SYPL2: variants seen among roughly 807,000 people sequenced by gnomAD.
SYPL2 encodes synaptophysin like 2, also known as synaptophysin-like protein 2.
A neutral mutation model predicts 31.3 loss-of-function variants in SYPL2; 24 were observed. The observed-to-expected ratio is 0.77, with a 90% CI of 0.56 to 1.08. The LOEUF (loss-of-function observed/expected upper bound fraction) is 1.08. Among genes scored for constraint, SYPL2 ranks in the 50% least tolerant of loss-of-function variants. SYPL2 has a pLI of 0.00. For synonymous variants in SYPL2, 144 were observed against 143.1 expected (o/e 1.01, Z -0.05); for missense variants, 342 against 360.1 (o/e 0.95, Z 0.41).
At chr1:109,472,420 T>C (rs1039044828) in intron 2 of SYPL2, among the ~76,000 whole-genome samples, 7 of 151,936 alleles carry the variant, frequency 4.6e-5, no homozygotes, top group Non-Finnish European at 4.4e-5. Context: ...TGTTCACTAC[T>C]AGATAATAGT....
Position 109,477,805 on chromosome 1 carries a change from C to A in SYPL2, c.457-13C>A. ...CTTTCTGAGTGTATTTCCCATCCCT[C>A]TGCTCCTCCCAGGACTTCTGTGTGA... On this transcript the variant is annotated splice_polypyrimidine_tract_variant and intron_variant, in intron 4 of 5. Coordinates refer to ENST00000369872, the MANE Select transcript of SYPL2 (RefSeq NM_001040709.2). 1 of 1,588,824 alleles carries A rather than the reference C, an allele frequency of 6.3e-7. No homozygotes were observed. The highest frequency in any genetic ancestry group is 8.6e-7 in the Non-Finnish European group (1 of 1,165,002).
At chr1:109,470,558 G>C (rs1035755144) in intron 2 of SYPL2, among the ~76,000 whole-genome samples, 2 of 152,216 alleles carry the variant, frequency 1.3e-5, no homozygotes. Flanking sequence ...AGAAAGGCTG[G>C]TTGGCACCAG....
chr1:109,477,077 C>G, intron 4 of SYPL2, 100 bp downstream of exon 4: 1 of 1,419,340 alleles, frequency 7.0e-7, no homozygotes, highest in Non-Finnish European at 9.7e-7. Context: ...GCGGCTTCCA[C>G]CCCCATGGTG....
rs1214916238 is a variant in SYPL2 at position 109,478,685 on chromosome 1, TC to T, written c.648+683del. On this transcript the variant is annotated intron_variant, in intron 5 of 5. Transcript: ENST00000369872. This position sits in a 1 kb window ranked among gnomAD's most constrained non-coding sequence, Gnocchi z 4.0. Reference sequence around the variant, plus strand: ...AACTTGCTGGAACCCTGCTTATGGTTCCCCCCCAAAAAAATTTTATTGTAGA... The same window carrying T: ...AACTTGCTGGAACCCTGCTTATGGTTCCCCCCAAAAAAATTTTATTGTAGA... Among the ~76,000 whole-genome samples, 9 of 151,622 alleles carry T rather than the reference TC, an allele frequency of 5.9e-5. No homozygotes were observed. Among genetic ancestry groups the T allele is most frequent in the Admixed American group, 2.0e-4 (3 of 15,218 alleles).
intron 2 of SYPL2, among the ~76,000 whole-genome samples, chr1:109,470,421 G>T (rs764707089): frequency 5.7e-4 from 87 of 152,348 alleles, no homozygotes; most frequent in Non-Finnish European, 3.4e-4. Context: ...CAGCGAGCAT[G>T]TCAGTGCCAA....
intron 2 of SYPL2, among the ~76,000 whole-genome samples, chr1:109,472,836 G>A (rs1057192275): frequency 6.6e-6 from 1 of 151,806 alleles, no homozygotes; most frequent in African/African-American, 2.4e-5. Context: ...TATGTTGCTA[G>A]TCTCAAATTC....
In SYPL2 at chr1:109,467,051, C is replaced by T. The variant is rs1655665606; in HGVS notation, c.55-8C>T. On this transcript the variant is annotated splice_polypyrimidine_tract_variant and splice_region_variant and intron_variant, in intron 1 of 5. Coordinates refer to ENST00000369872, the MANE Select transcript of SYPL2 (RefSeq NM_001040709.2). ...GCCCTGACCCCCCGGCCGGCTGTGT[C>T]TCCGCAGGTGGACCGCCTACTCGTG... 1.9e-6 allele frequency: 3 copies of T among 1,544,372 alleles called. No homozygotes were observed. The highest frequency in any genetic ancestry group is 2.6e-6 in the Non-Finnish European group (3 of 1,145,880).
intron 2 of SYPL2, among the ~76,000 whole-genome samples, chr1:109,471,010 G>C (rs922106286): frequency 6.6e-6 from 1 of 152,184 alleles, no homozygotes; most frequent in Non-Finnish European, 1.5e-5. Flanking sequence ...TCCAGCACCT[G>C]GCACAAGGTA....
Position 109,468,890 on chromosome 1 carries a change from GA to G in SYPL2, c.129+1758del, listed in dbSNP as rs1214080626. On this transcript the variant is annotated intron_variant, in intron 2 of 5. Coordinates refer to ENST00000369872, the MANE Select transcript of SYPL2 (RefSeq NM_001040709.2). ...TCAGCACTAATGACCTAGGAATTAA[GA>G]TCTGATAGACTTTTATGATCTTCAA... 5.1e-4 allele frequency among the ~76,000 whole-genome samples: 77 copies of G among 149,590 alleles called. 1 individual carries two copies. Among genetic ancestry groups the G allele is most frequent in the African/African-American group, 1.7e-3 (68 of 40,900 alleles).
intron 2 of SYPL2, among the ~76,000 whole-genome samples, chr1:109,469,562 CT>C (rs1361066033): frequency 1.3e-5 from 1 of 78,482 alleles, no homozygotes; most frequent in East Asian, 2.3e-3. Context: ...AAAGAAGTAT[CT>C]TAAAAAAAAT....
rs748424576 is a variant in SYPL2, at chr1:109,477,874, G to T, written c.513G>T (p.Trp171Cys). The T allele has an allele frequency of 1.2e-6, 2 of 1,614,002 alleles. No individual in the cohort carries two copies. The highest frequency in any genetic ancestry group is 4.5e-5 in the East Asian group (2 of 44,870). The change falls in exon 5 of 6, where the codon TGG becomes TGT. Residue 171 changes from tryptophan to cysteine, a missense_variant. Transcript: ENST00000369872. ...TFFWLVAAAA[W>C]GKGLTDVKGA... ...TCTGGCTGGTAGCTGCAGCTGCCTG[G>T]GGCAAGGGCCTGACCGATGTCAAGG... is the stretch of plus-strand genomic sequence containing the variant.
At chr1:109,470,662 CAG>C (rs545973700) in intron 2 of SYPL2, among the ~76,000 whole-genome samples, 1 of 152,132 alleles carries the variant, frequency 6.6e-6, no homozygotes, top group Non-Finnish European at 1.5e-5. Flanking sequence ...TGCTTGGTGA[CAG>C]GGGTGATTTT....
intron 2 of SYPL2, among the ~76,000 whole-genome samples, chr1:109,474,695 T>C (rs1433594850): frequency 2.0e-5 from 3 of 152,094 alleles, no homozygotes; most frequent in African/African-American, 4.8e-5. Context: ...CTGAAAATCA[T>C]AGGATGAGGA....
intron 2 of SYPL2, among the ~76,000 whole-genome samples, chr1:109,472,155 C>T (rs976153181): frequency 2.6e-5 from 4 of 151,874 alleles, no homozygotes; most frequent in African/African-American, 7.3e-5. Context: ...GATAGGGTCT[C>T]GCTCTGTCAC....
chr1:109,474,487 G>A (rs966884295), intron 2 of SYPL2, among the ~76,000 whole-genome samples: 2 of 151,698 alleles, frequency 1.3e-5, no homozygotes, highest in Non-Finnish European at 2.9e-5. Context: ...ACAGGCATGC[G>A]ACACTCTACC....
At chr1:109,469,791 G>A (rs1325389923) in intron 2 of SYPL2, among the ~76,000 whole-genome samples, 3 of 136,878 alleles carry the variant, frequency 2.2e-5, no homozygotes, top group East Asian at 2.1e-4. Context: ...AATGAGCTGC[G>A]CACTCCAGCC....
At position 109,476,938 on chromosome 1, in the gene SYPL2, C is replaced by T. The variant is rs762224699; in HGVS notation, c.417C>T (p.Phe139=). 6 of 1,614,118 alleles carry T rather than the reference C, an allele frequency of 3.7e-6. No homozygotes were observed. In the East Asian group the frequency reaches 8.9e-5, roughly 24 times the overall value. Residue 139 remains phenylalanine, a synonymous_variant, in exon 4 of 6, where the codon TTC becomes TTT. Coordinates refer to ENST00000369872, the MANE Select transcript of SYPL2 (RefSeq NM_001040709.2). ...TMAALVIYLR[F]HNLYTENKRF... ...CTGCCCTAGTTATCTACCTGCGCTT[C>T]CACAACCTCTACACAGAGAACAAAC...
chr1:109,470,579 C>T (rs1655802139), intron 2 of SYPL2, among the ~76,000 whole-genome samples: 1 of 152,216 alleles, frequency 6.6e-6, no homozygotes, highest in African/African-American at 2.4e-5. Flanking sequence ...AATGCTAGAA[C>T]TCCCCCTTGT....
rs946184422 is a variant in SYPL2 at position 109,481,648 on chromosome 1, C to T, written c.*2100C>T. ...CCAAGGACTCCCAGCCCAGGACTCT[C>T]TTTAGAGCAAGGAAGCCTCGTTCTC... On this transcript the variant is annotated 3_prime_UTR_variant, in exon 6 of 6. Coordinates refer to ENST00000369872, the MANE Select transcript of SYPL2 (RefSeq NM_001040709.2). The T allele has an allele frequency of 6.6e-6, 1 of 151,796 alleles. No individual in the cohort carries two copies. The highest frequency in any genetic ancestry group is 2.4e-5 in the African/African-American group (1 of 41,312). 9.4% of individuals were successfully genotyped at this position (151,796 alleles called of 1,614,324 possible).
Sources: allele counts gnomAD v4.1 joint callset (sites outside exome capture counted in the v4.1 genomes callset), GRCh38; gene constraint gnomAD v4.1.1; non-coding constraint Gnocchi (gnomAD v3.1); transcripts MANE v1.5; gene names NCBI Gene and HGNC (gene_info 2026-07-23, HGNC 2026-07-21).